The following LOC400499 variants were observed in gnomAD, a reference collection of about 807,000 sequenced individuals.
the LOC400499 span, among the ~76,000 whole-genome samples, chr16:11,424,815 G>GCCAGGTAT: frequency 1.3e-5 from 2 of 152,172 alleles, no homozygotes; most frequent in Non-Finnish European, 2.9e-5. Flanking sequence ...TCCTGGCTAG[G>GCCAGGTAT]CCAGGTATCC....
At chr16:11,514,427 G>T in the LOC400499 span, 1 of 399,160 alleles carries the variant, frequency 2.5e-6, no homozygotes, top group Non-Finnish European at 4.4e-6. Context: ...CATCTGCACA[G>T]CGCTTGCCTT....
the LOC400499 span, among the ~76,000 whole-genome samples, chr16:11,517,978 C>G: frequency 6.6e-6 from 1 of 152,214 alleles, no homozygotes; most frequent in African/African-American, 2.4e-5. Flanking sequence ...CCAGCTCCAA[C>G]TGAAGCCTGG....
At chr16:11,487,368 G>C in the LOC400499 span, 88 of 399,248 alleles carry the variant, frequency 2.2e-4, 1 homozygote, top group East Asian at 3.1e-3. Flanking sequence ...CTCCAGGTTG[G>C]CTCCCAGGCT....
chr16:11,446,858 T>A, the LOC400499 span: 1 of 1,535,916 alleles, frequency 6.5e-7, no homozygotes, highest in East Asian at 2.4e-5. Context: ...CTATCAGCTG[T>A]GAAGGTCTCC....
the LOC400499 span, among the ~76,000 whole-genome samples, chr16:11,403,539 G>A: frequency 1.3e-5 from 2 of 152,196 alleles, no homozygotes; most frequent in African/African-American, 4.8e-5. Flanking sequence ...CTGGGGACCT[G>A]CTCACTTCCT....
chr16:11,406,468 T>G, the LOC400499 span, among the ~76,000 whole-genome samples: 1 of 152,242 alleles, frequency 6.6e-6, no homozygotes, highest in Admixed American at 6.5e-5. Flanking sequence ...GTTTCACTCT[T>G]GTCACCCAGG....
At chr16:11,438,538 A>AG in the LOC400499 span, among the ~76,000 whole-genome samples, 2 of 149,186 alleles carry the variant, frequency 1.3e-5, no homozygotes, top group South Asian at 4.2e-4. Context: ...TGGGAGGCCA[A>AG]GGGAAGAGGA....
the LOC400499 span, among the ~76,000 whole-genome samples, chr16:11,382,272 C>T: frequency 5.3e-5 from 8 of 152,330 alleles, no homozygotes; most frequent in East Asian, 1.5e-3. Flanking sequence ...CTTATTTCAT[C>T]CTCCCTTTGT....
chr16:11,387,375 T>C, the LOC400499 span: 1 of 1,145,080 alleles, frequency 8.7e-7, no homozygotes, highest in Non-Finnish European at 1.1e-6. Flanking sequence ...CTTCTAGGTC[T>C]GCAGGAAGAG....
chr16:11,431,450 G>A, the LOC400499 span, among the ~76,000 whole-genome samples: 2 of 152,144 alleles, frequency 1.3e-5, no homozygotes, highest in Non-Finnish European at 2.9e-5. Flanking sequence ...CTGTCACCCA[G>A]GCTGGAGTAC....
the LOC400499 span, chr16:11,484,754 T>C: frequency 4.5e-5 from 18 of 397,524 alleles, no homozygotes; most frequent in Non-Finnish European, 7.5e-5. Flanking sequence ...AACCAGCCAC[T>C]TAATTCTGCA....
At chr16:11,492,657 C>T in the LOC400499 span, among the ~76,000 whole-genome samples, 3 of 152,064 alleles carry the variant, frequency 2.0e-5, no homozygotes, top group African/African-American at 7.2e-5. Flanking sequence ...TGGTGGCGGG[C>T]ACCTGTAGTC....
the LOC400499 span, among the ~76,000 whole-genome samples, chr16:11,385,861 C>T: frequency 6.6e-6 from 1 of 152,174 alleles, no homozygotes; most frequent in East Asian, 1.9e-4. Flanking sequence ...TTAGAAGCCA[C>T]TGAATCGTAC....
the LOC400499 span, chr16:11,407,167 G>T: frequency 7.5e-6 from 3 of 398,788 alleles, no homozygotes; most frequent in Non-Finnish European, 8.8e-6. Context: ...CCCCACCCCA[G>T]CGTGCTCCGG....
chr16:11,449,171 C>A, the LOC400499 span: 1 of 1,290,790 alleles, frequency 7.7e-7, no homozygotes, highest in Non-Finnish European at 1.0e-6. Flanking sequence ...CCTGGGATAC[C>A]CTTTCATCTC....
At chr16:11,462,608 AG>A in the LOC400499 span, among the ~76,000 whole-genome samples, 1 of 152,012 alleles carries the variant, frequency 6.6e-6, no homozygotes, top group Admixed American at 6.6e-5. Context: ...TTTTTAGTAG[AG>A]ATGGAGTTTC....
chr16:11,508,436 A>C, the LOC400499 span, among the ~76,000 whole-genome samples: 1 of 152,236 alleles, frequency 6.6e-6, no homozygotes, highest in Non-Finnish European at 1.5e-5. Flanking sequence ...ACTGTGAGTC[A>C]AAAGGACTGT....
the LOC400499 span, chr16:11,440,664 C>G: frequency 2.5e-6 from 1 of 398,510 alleles, no homozygotes; most frequent in African/African-American, 2.1e-5. Context: ...AGGGCACCTT[C>G]ACTAAAGGTT....
chr16:11,403,900 G>A, the LOC400499 span, among the ~76,000 whole-genome samples: 2 of 152,188 alleles, frequency 1.3e-5, no homozygotes, highest in Non-Finnish European at 2.9e-5. Context: ...CTGCACTCAG[G>A]ATAAGCCCCA....
Sources: allele counts gnomAD v4.1 joint callset (sites outside exome capture counted in the v4.1 genomes callset), GRCh38; gene constraint gnomAD v4.1.1; transcripts MANE v1.5.